Variants in HAS2 observed in about 807,000 individuals in gnomAD.
HAS2 encodes HA synthase 2.
Under a neutral mutation model 51.6 loss-of-function variants are expected in HAS2, and 16 were observed. That is an observed-to-expected ratio of 0.31 (90% confidence interval 0.21 to 0.47). The LOEUF is 0.47. Among genes scored for constraint, HAS2 ranks in the 20% least tolerant of loss-of-function variants. HAS2 has a pLI of 1.00. For synonymous variants in HAS2, 228 were observed against 235.5 expected, an observed-to-expected ratio of 0.97 and a Z score of 0.29; for missense variants, 361 against 662.6, an observed-to-expected ratio of 0.54 and a Z score of 5.00.
At chr8:121,626,941 A>G (rs1403840322) in intron 2 of HAS2, among the ~76,000 whole-genome samples, 1 of 152,190 alleles carries the variant, frequency 6.6e-6, no homozygotes, top group Non-Finnish European at 1.5e-5. Flanking sequence ...AAGCCTGATT[A>G]GGGCTCTAGC....
At chr8:121,626,993 T>C (rs1812863261) in intron 2 of HAS2, among the ~76,000 whole-genome samples, 2 of 152,258 alleles carry the variant, frequency 1.3e-5, no homozygotes, top group South Asian at 2.1e-4. Flanking sequence ...ATTATTTTTT[T>C]CCTGGACAGG....
At chr8:121,631,168 T>C (rs994861196) in intron 1 of HAS2, among the ~76,000 whole-genome samples, 15 of 152,144 alleles carry the variant, frequency 9.9e-5, no homozygotes, top group African/African-American at 2.9e-4. Flanking sequence ...GGTCCTTGGA[T>C]TGCCATATGA....
At chr8:121,619,367 C>G (rs1258680338) in intron 2 of HAS2, among the ~76,000 whole-genome samples, 2 of 152,060 alleles carry the variant, frequency 1.3e-5, no homozygotes, top group African/African-American at 4.8e-5. Flanking sequence ...TATGGGGCAT[C>G]AGAAGGTGAA....
Position 121,641,183 on chromosome 8 carries a change from G to GTTTTTTTTTTTTTTTTTTTTTTTTTTT in HAS2, c.-332_-331insAAAAAAAAAAAAAAAAAAAAAAAAAAA, listed in dbSNP as rs1440526810. On this transcript the variant is annotated 5_prime_UTR_variant, in exon 1 of 4. Transcript: ENST00000303924. ...CTTTTTTTTTTTTTTTTTTTTTTGG[G>GTTTTTTTTTTTTTTTTTTTTTTTTTTT]CTTCAGTCTTTCTGCCCCCGATAAC... 1.4e-4 allele frequency: 1 copy of GTTTTTTTTTTTTTTTTTTTTTTTTTTT among 7,266 alleles called. No individual in the cohort carries two copies. Among genetic ancestry groups the GTTTTTTTTTTTTTTTTTTTTTTTTTTT allele is most frequent in the Non-Finnish European group, 2.6e-4 (1 of 3,790 alleles). The allele number at this position is 7,266 out of a possible 1,614,324, so 0.5% of individuals were successfully genotyped here.
In HAS2 at chr8:121,636,316, C is replaced by A. The variant is rs377510877; in HGVS notation, c.-1+4537G>T. 1.4e-4 allele frequency among the ~76,000 whole-genome samples: 21 copies of A among 152,208 alleles called. No individual in the cohort carries two copies. In the South Asian group the frequency reaches 4.4e-3, roughly 32 times the overall value. The stretch of plus-strand genomic sequence containing the variant: ...TAGGAGGACCCAAATGAAGTCTCCC[C>A]GCAGCAGTCTTCACATTACAGCACA... On this transcript the variant is annotated intron_variant, in intron 1 of 3. Transcript: ENST00000303924.
chr8:121,637,732 T>C (rs757513393), intron 1 of HAS2, among the ~76,000 whole-genome samples: 1 of 152,166 alleles, frequency 6.6e-6, no homozygotes, highest in Non-Finnish European at 1.5e-5. Context: ...TCTACACAGA[T>C]TGCTGCTAGA....
intron 3 of HAS2, among the ~76,000 whole-genome samples, chr8:121,616,490 G>A (rs188250148): frequency 6.7e-6 from 1 of 149,550 alleles, no homozygotes; most frequent in Admixed American, 6.7e-5. Context: ...AGGCTGAAGT[G>A]CAGTGGCATG....
intron 1 of HAS2, among the ~76,000 whole-genome samples, chr8:121,632,247 A>G (rs996992199): frequency 6.6e-6 from 1 of 152,172 alleles, no homozygotes; most frequent in Non-Finnish European, 1.5e-5. Context: ...GTGTTTCTTT[A>G]TAATTTCCCC....
At chr8:121,634,025 C>T in intron 1 of HAS2, among the ~76,000 whole-genome samples, 1 of 152,004 alleles carries the variant, frequency 6.6e-6, no homozygotes, top group South Asian at 2.1e-4. Context: ...ATTCTCCTGC[C>T]TCAGCCTCCC....
chr8:121,615,549 C>T (rs1812688824), intron 3 of HAS2, among the ~76,000 whole-genome samples: 1 of 152,108 alleles, frequency 6.6e-6, no homozygotes, highest in Non-Finnish European at 1.5e-5. Context: ...GGTCTTGCTC[C>T]TGACCTCAGA....
At chr8:121,633,909 TGG>T (rs769760687) in intron 1 of HAS2, among the ~76,000 whole-genome samples, 1 of 127,288 alleles carries the variant, frequency 7.9e-6, no homozygotes, top group African/African-American at 3.5e-5. Context: ...TTTGTTTTTT[TGG>T]GTTTTTTTTT....
rs1486775174 is a variant in HAS2 at position 121,613,391 on chromosome 8, A to C, written c.*718T>G. The C allele has an allele frequency of 1.3e-5, 2 of 152,630 alleles. No homozygotes were observed. The highest frequency in any genetic ancestry group is 4.8e-5 in the African/African-American group (2 of 41,458). The allele number at this position is 152,630 out of a possible 1,614,324, so 9.5% of individuals were successfully genotyped here. On this transcript the variant is annotated 3_prime_UTR_variant, in exon 4 of 4. Transcript: ENST00000303924. ...CTTCTTTCACAGAAATAAACTATTC[A>C]ATTTTAAAAGGTAGAGAGAGAGAAA...
At position 121,613,340 on chromosome 8, in the gene HAS2, A is replaced by C. The variant is rs1040562339; in HGVS notation, c.*769T>G. ...CTTTTCTAAAAGAAATAAAAACAAAAAGTTAAAATATTGAAAGTTTAAATA... is the reference window on the plus strand; with the variant it reads ...CTTTTCTAAAAGAAATAAAAACAAACAGTTAAAATATTGAAAGTTTAAATA... On this transcript the variant is annotated 3_prime_UTR_variant, in exon 4 of 4. Transcript: ENST00000303924. 1 of 152,624 alleles carries C rather than the reference A, an allele frequency of 6.6e-6. No homozygotes were observed. The highest frequency in any genetic ancestry group is 1.5e-5 in the Non-Finnish European group (1 of 68,042). 9.5% of individuals were successfully genotyped at this position (152,624 alleles called of 1,614,324 possible).
rs77874424 is a variant in HAS2, at chr8:121,613,891, C to T, written c.*218G>A. On this transcript the variant is annotated 3_prime_UTR_variant, in exon 4 of 4. Transcript: ENST00000303924. Reference sequence around the variant, plus strand: ...AAAGTGCATAAACAAAGAATTCATCCCATTTTCATAGAAATAACAGGTTAA... The same window carrying T: ...AAAGTGCATAAACAAAGAATTCATCTCATTTTCATAGAAATAACAGGTTAA... 5,347 of 665,114 alleles carry T rather than the reference C, an allele frequency of 8.0e-3. 34 individuals are homozygous for T. The highest frequency in any genetic ancestry group is 0.011 in the Non-Finnish European group (4,507 of 401,324). 41.2% of individuals were successfully genotyped at this position (665,114 alleles called of 1,614,324 possible).
chr8:121,628,946 T>C lies in HAS2; in HGVS notation c.395A>G (p.Asp132Gly). ...TCTGCCCATGACTTCACTGAAGATG[T>C]CCATCATGTAAAGGTCATCTTCTGA... The part of the protein sequence containing the change: ...GNSEDDLYMM[D>G]IFSEVMGRDK... The change falls in exon 2 of 4, where the codon GAC (aspartate) becomes GGC (glycine). Residue 132 changes from aspartate (D) to glycine (G), a missense_variant. Asp to Gly is a moderately conservative substitution (Grantham distance 94). Around this residue, in one of 5 missense-constraint regions of HAS2, gnomAD observed 145 missense variants for 217.6 expected, o/e 0.67. Coordinates refer to ENST00000303924, the MANE Select transcript of HAS2 (RefSeq NM_005328.3). 4 of 1,614,022 alleles carry C rather than the reference T, an allele frequency of 2.5e-6. No individual in the cohort carries two copies. The highest frequency in any genetic ancestry group is 3.4e-6 in the Non-Finnish European group (4 of 1,179,866).
chr8:121,614,311 G>A lies in HAS2; in HGVS notation c.1457C>T (p.Thr486Ile), dbSNP rs750484583. ...GAAAATCACACCACCCAGGAGGATT[G>A]TAAACCAAACTGATACTGGAATGAG... ...IGLIPVSVWF[T>I]ILLGGVIFTI... Residue 486 changes from threonine (T) to isoleucine (I), a missense_variant, in exon 4 of 4, where the codon ACA becomes ATA. Physicochemically the swap from Thr to Ile is moderately conservative, Grantham distance 89 (BLOSUM62 -1). Transcript: ENST00000303924. The surrounding 1 kb of genome is among the most constrained non-coding windows in gnomAD (Gnocchi z 7.2). 2.3e-5 allele frequency: 37 copies of A among 1,614,026 alleles called. 1 individual carries two copies. In the South Asian group the frequency reaches 4.0e-4, roughly 17 times the overall value.
At chr8:121,632,735 CTCATCATCATCA>C (rs78052408) in intron 1 of HAS2, among the ~76,000 whole-genome samples, 11 of 148,132 alleles carry the variant, frequency 7.4e-5, no homozygotes, top group South Asian at 2.1e-4. Flanking sequence ...TGCAAATTTA[CTCATCATCATCA>C]TCATCATCAT....
intron 2 of HAS2, among the ~76,000 whole-genome samples, chr8:121,618,413 G>A (rs73708098): frequency 0.046 from 7,025 of 152,038 alleles, 567 homozygotes; most frequent in African/African-American, 0.16. Flanking sequence ...CCCAAAAGCC[G>A]GGCAGAAAGA....
chr8:121,624,612 T>C (rs1812816530), intron 2 of HAS2, among the ~76,000 whole-genome samples: 1 of 152,204 alleles, frequency 6.6e-6, no homozygotes, highest in African/African-American at 2.4e-5. Context: ...ATTAAATCAA[T>C]AGTGACATTT....
Sources: allele counts gnomAD v4.1 joint callset (sites outside exome capture counted in the v4.1 genomes callset), GRCh38; gene constraint gnomAD v4.1.1; regional missense constraint gnomAD v4.1.1; non-coding constraint Gnocchi (gnomAD v3.1); transcripts MANE v1.5; gene names NCBI Gene and HGNC (gene_info 2026-07-23, HGNC 2026-07-21).